CTNND2: variants seen among roughly 807,000 people sequenced by gnomAD.
CTNND2 encodes catenin delta 2, also known as catenin delta-2.
A neutral mutation model predicts 144.4 loss-of-function variants in CTNND2; 22 were observed. The ratio of observed to expected loss-of-function variants is 0.15; its 90% CI spans 0.11 to 0.22. CTNND2 has a LOEUF of 0.22. Among genes scored for constraint, CTNND2 ranks in the 10% least tolerant of loss-of-function variants. The pLI is 1.00. For missense variants in CTNND2, 1,353 were observed against 1,618.8 expected (o/e 0.84, Z 2.82); for synonymous variants, 751 against 695.6 (o/e 1.08, Z -1.25).
intron 3 of CTNND2, among the ~76,000 whole-genome samples, chr5:11,512,655 C>T (rs1561497034): frequency 1.3e-5 from 2 of 152,152 alleles, no homozygotes; most frequent in African/African-American, 4.8e-5. Flanking sequence ...CATCACTCTC[C>T]CTAGGTAGGT....
chr5:11,206,599 C>T (rs1738075663), intron 10 of CTNND2, among the ~76,000 whole-genome samples: 1 of 152,188 alleles, frequency 6.6e-6, no homozygotes, highest in Non-Finnish European at 1.5e-5. Context: ...TTGACAATTA[C>T]AAAGAATGCC....
intron 1 of CTNND2, among the ~76,000 whole-genome samples, chr5:11,745,706 A>G (rs1788271209): frequency 6.6e-6 from 1 of 152,174 alleles, no homozygotes. Context: ...CATGCCTGCA[A>G]TATTACCTCC....
intron 15 of CTNND2, among the ~76,000 whole-genome samples, chr5:11,094,885 T>C (rs1182882778): frequency 6.6e-6 from 1 of 152,232 alleles, no homozygotes; most frequent in Non-Finnish European, 1.5e-5. Flanking sequence ...ATTCTAGACC[T>C]TTCTGCCATT....
At chr5:11,714,057 C>T (rs1468908634) in intron 2 of CTNND2, among the ~76,000 whole-genome samples, 7 of 152,042 alleles carry the variant, frequency 4.6e-5, no homozygotes, top group Admixed American at 6.6e-5. Context: ...CTTTGTTACA[C>T]GGGGAGTATA....
At chr5:11,728,092 A>G (rs954820277) in intron 2 of CTNND2, among the ~76,000 whole-genome samples, 3 of 152,232 alleles carry the variant, frequency 2.0e-5, no homozygotes, top group Admixed American at 1.3e-4. Flanking sequence ...TAGATTTTAA[A>G]TGAATCTTTT....
intron 3 of CTNND2, among the ~76,000 whole-genome samples, chr5:11,539,967 G>A (rs547637523): frequency 6.6e-6 from 1 of 152,288 alleles, no homozygotes; most frequent in South Asian, 2.1e-4. Context: ...CCAGGAGGAG[G>A]AGTTTGCAGT....
chr5:11,172,638 A>G (rs1253904320), intron 11 of CTNND2, among the ~76,000 whole-genome samples: 1 of 152,208 alleles, frequency 6.6e-6, no homozygotes, highest in Non-Finnish European at 1.5e-5. Context: ...GGATAAAACA[A>G]GAAAGCAAAC....
At chr5:11,842,348 T>A (rs147934273) in intron 1 of CTNND2, among the ~76,000 whole-genome samples, 1 of 152,144 alleles carries the variant, frequency 6.6e-6, no homozygotes, top group Non-Finnish European at 1.5e-5. Flanking sequence ...GCAAATTCTA[T>A]ACTATGGTTT....
intron 18 of CTNND2, among the ~76,000 whole-genome samples, chr5:11,016,120 T>C (rs1047800719): frequency 3.3e-5 from 5 of 152,182 alleles, no homozygotes; most frequent in African/African-American, 1.2e-4. Context: ...GCAAAACCCA[T>C]GTATAAGGAG....
rs1401530744 is a variant in CTNND2, at chr5:11,565,066, A to G, written c.175-10T>C. 6.3e-7 allele frequency: 1 copy of G among 1,595,088 alleles called. No individual in the cohort carries two copies. Among genetic ancestry groups the G allele is most frequent in the South Asian group, 1.1e-5 (1 of 90,614 alleles). On this transcript the variant is annotated splice_polypyrimidine_tract_variant and intron_variant, in intron 2 of 21. Coordinates refer to ENST00000304623, the MANE Select transcript of CTNND2 (RefSeq NM_001332.4). The stretch of plus-strand genomic sequence containing the variant: ...TTTCAAACTGTAATTCCTGAAAGAA[A>G]CCCATCAACAAGATCAATTCAATCA...
chr5:11,099,163 C>A (rs1439157042), intron 14 of CTNND2, among the ~76,000 whole-genome samples: 1 of 152,180 alleles, frequency 6.6e-6, no homozygotes, highest in Non-Finnish European at 1.5e-5. Flanking sequence ...TTACCAACAA[C>A]AAATGCCCTC....
rs61751778 is a variant in CTNND2, at chr5:11,200,230, C to T, written c.1762-569G>A. Among the ~76,000 whole-genome samples, 647 of 152,238 alleles carry T rather than the reference C, an allele frequency of 4.2e-3. 1 individual carries two copies. Among genetic ancestry groups the T allele is most frequent in the African/African-American group, 0.015 (616 of 41,530 alleles). ...AGACAGAAGGTGTGAGGCCAAGGCA[C>T]GTTATGCTTAATTTAGGTATTTGAT... On this transcript the variant is annotated intron_variant, in intron 10 of 21. Coordinates refer to ENST00000304623, the MANE Select transcript of CTNND2 (RefSeq NM_001332.4).
intron 9 of CTNND2, among the ~76,000 whole-genome samples, chr5:11,281,184 C>G (rs895054350): frequency 4.3e-4 from 65 of 152,262 alleles, no homozygotes; most frequent in Admixed American, 4.2e-3. Flanking sequence ...GTTTCTTCAC[C>G]TTTAGGAAAT....
chr5:11,046,624 A>G (rs1029374334), intron 16 of CTNND2, among the ~76,000 whole-genome samples: 3 of 152,372 alleles, frequency 2.0e-5, no homozygotes, highest in Admixed American at 2.0e-4. Context: ...ATGTCTCATC[A>G]GTCATATGGA....
At position 11,432,121 on chromosome 5, in the gene CTNND2, C is replaced by CTTTTTT. The variant is rs5865940; in HGVS notation, c.288-20058_288-20053dup. Among the ~76,000 whole-genome samples, 3 of 78,352 alleles carry CTTTTTT rather than the reference C, an allele frequency of 3.8e-5. 1 individual carries two copies. Among genetic ancestry groups the CTTTTTT allele is most frequent in the Non-Finnish European group, 5.7e-5 (2 of 35,394 alleles). The allele number at this position is 78,352 out of a possible 152,430, so 51.4% of individuals were successfully genotyped here. On this transcript the variant is annotated intron_variant, in intron 3 of 21. Transcript: ENST00000304623. ...ATACTATCATTTTCTGAGGTTGAGG[C>CTTTTTT]TTTTTTTTTTTTTTTTTTTTAAGTT...
At chr5:11,081,795 A>G (rs903468770) in intron 16 of CTNND2, among the ~76,000 whole-genome samples, 1 of 152,236 alleles carries the variant, frequency 6.6e-6, no homozygotes, top group East Asian at 1.9e-4. Flanking sequence ...ATCCATAGAC[A>G]GAGAGCAGAT....
chr5:11,105,906 C>A (rs1357181645), intron 14 of CTNND2, among the ~76,000 whole-genome samples: 2 of 151,886 alleles, frequency 1.3e-5, no homozygotes, highest in Admixed American at 6.6e-5. Flanking sequence ...GAGGAACGGG[C>A]GGCAGCTGAA....
chr5:11,468,113 G>A (rs1581259412), intron 3 of CTNND2, among the ~76,000 whole-genome samples: 1 of 152,164 alleles, frequency 6.6e-6, no homozygotes, highest in South Asian at 2.1e-4. Flanking sequence ...ACAGGCAGAA[G>A]GGCAAATGAG....
chr5:11,548,293 A>G (rs1277805051), intron 3 of CTNND2, among the ~76,000 whole-genome samples: 2 of 152,194 alleles, frequency 1.3e-5, no homozygotes, highest in Non-Finnish European at 2.9e-5. Flanking sequence ...AAGAGAGACA[A>G]TGAGGAGGGG....
Sources: gnomAD v4.1 joint callset for allele counts (sites outside exome capture counted in the v4.1 genomes callset) on GRCh38, gnomAD v4.1.1 for gene constraint, MANE v1.5 for transcripts, NCBI Gene and HGNC (gene_info 2026-07-23, HGNC 2026-07-21) for gene names.